The following VPS13B variants were observed in gnomAD, a reference collection of about 807,000 sequenced individuals.
VPS13B encodes the protein intermembrane lipid transfer protein VPS13B.
VPS13B carries 285 observed loss-of-function variants against 426.4 expected under a neutral mutation model. That is an observed-to-expected ratio of 0.67 (90% CI 0.61 to 0.74). VPS13B has a LOEUF of 0.74. Ranked by LOEUF, VPS13B falls within the 30% of genes least tolerant of loss-of-function variation. The pLI is 0.00. For missense variants in VPS13B, 4,537 were observed against 4,782.6 expected (o/e 0.95, Z 1.51); for synonymous variants, 1,676 against 1,676.4 (o/e 1.00, Z 0.01).
At chr8:99,621,630 C>T (rs765478130) in intron 33 of VPS13B, among the ~76,000 whole-genome samples, 26 of 152,042 alleles carry the variant, frequency 1.7e-4, no homozygotes, top group Admixed American at 3.3e-4. Flanking sequence ...TTCGCTATAA[C>T]AGAATCTGAC....
intron 33 of VPS13B, among the ~76,000 whole-genome samples, chr8:99,631,869 G>A (rs901222149): frequency 4.6e-5 from 7 of 151,850 alleles, no homozygotes; most frequent in African/African-American, 1.7e-4. Context: ...ATGAATGAAT[G>A]ATGTGAAATT....
chr8:99,650,367 G>T (rs945530921), intron 34 of VPS13B, among the ~76,000 whole-genome samples: 2 of 152,162 alleles, frequency 1.3e-5, no homozygotes, highest in African/African-American at 4.8e-5. Context: ...AATCAAGTTA[G>T]CAGGGGAAAA....
At chr8:99,347,020 GGCCAAT>G (rs1392129878) in intron 19 of VPS13B, 1 of 155,114 alleles carries the variant, frequency 6.4e-6, no homozygotes, top group Non-Finnish European at 1.4e-5. Context: ...CTGTTCCACT[GGCCAAT>G]GCAGGGGCCA....
chr8:99,037,871 A>G (rs1420505716), intron 2 of VPS13B, among the ~76,000 whole-genome samples: 4 of 143,378 alleles, frequency 2.8e-5, no homozygotes, highest in Non-Finnish European at 6.1e-5. Flanking sequence ...ATCAGTTTTC[A>G]TTTTGTCAGG....
intron 13 of VPS13B, among the ~76,000 whole-genome samples, chr8:99,143,734 A>T (rs927694974): frequency 6.6e-6 from 1 of 152,134 alleles, no homozygotes; most frequent in Non-Finnish European, 1.5e-5. Flanking sequence ...TTAAAATTTG[A>T]CCCTCACTTC....
chr8:99,551,067 A>G (rs1403553707), intron 30 of VPS13B, among the ~76,000 whole-genome samples: 1 of 151,808 alleles, frequency 6.6e-6, no homozygotes, highest in African/African-American at 2.4e-5. Context: ...ATGTTTTTCA[A>G]TTTTTCTGTA....
chr8:99,458,770 G>GT (rs1363248778), intron 23 of VPS13B, among the ~76,000 whole-genome samples: 7 of 152,046 alleles, frequency 4.6e-5, no homozygotes, highest in African/African-American at 1.2e-4. Flanking sequence ...GGGGTTGTTT[G>GT]TTTTTTTATT....
At chr8:99,397,169 G>A (rs959817581) in intron 21 of VPS13B, among the ~76,000 whole-genome samples, 7 of 151,936 alleles carry the variant, frequency 4.6e-5, no homozygotes, top group Admixed American at 2.0e-4. Flanking sequence ...TTTTTGAGAC[G>A]GAGTCTCACT....
intron 17 of VPS13B, among the ~76,000 whole-genome samples, chr8:99,208,803 G>C (rs992974142): frequency 7.9e-5 from 12 of 152,068 alleles, no homozygotes; most frequent in African/African-American, 2.9e-4. Flanking sequence ...AAGTAATTTT[G>C]TAAGTTCTTT....
chr8:99,430,244 AC>A (rs1817016746), intron 21 of VPS13B, among the ~76,000 whole-genome samples: 1 of 152,176 alleles, frequency 6.6e-6, no homozygotes, highest in Admixed American at 6.5e-5. Context: ...TCATATATTA[AC>A]CAAGTTAGGG....
At chr8:99,074,992 T>C (rs1845043959) in intron 3 of VPS13B, among the ~76,000 whole-genome samples, 1 of 152,162 alleles carries the variant, frequency 6.6e-6, no homozygotes, top group Non-Finnish European at 1.5e-5. Flanking sequence ...AGAGTAATCC[T>C]GGCCTTGTAG....
chr8:99,589,139 G>T (rs1826463556), intron 33 of VPS13B, among the ~76,000 whole-genome samples: 1 of 151,672 alleles, frequency 6.6e-6, no homozygotes, highest in African/African-American at 2.4e-5. Context: ...TGCATCCCAG[G>T]GATGAAGCAG....
At chr8:99,748,832 A>G (rs1044252980) in intron 39 of VPS13B, among the ~76,000 whole-genome samples, 1 of 152,030 alleles carries the variant, frequency 6.6e-6, no homozygotes, top group African/African-American at 2.4e-5. Flanking sequence ...GGAATGCGCA[A>G]GATTTGGGAA....
intron 3 of VPS13B, among the ~76,000 whole-genome samples, chr8:99,049,384 G>T (rs1843405782): frequency 1.3e-5 from 1 of 78,592 alleles, no homozygotes. Context: ...GTATTTATTT[G>T]TCTGAAAAAG....
At chr8:99,421,487 G>A (rs1047793194) in intron 21 of VPS13B, among the ~76,000 whole-genome samples, 1 of 152,138 alleles carries the variant, frequency 6.6e-6, no homozygotes, top group South Asian at 2.1e-4. Flanking sequence ...AGAAAAGGCA[G>A]CATAACATAG....
chr8:99,490,595 T>G (rs547475992), intron 25 of VPS13B, among the ~76,000 whole-genome samples: 1 of 152,324 alleles, frequency 6.6e-6, no homozygotes. Flanking sequence ...TATTGGTCTA[T>G]TCAGAGATTC....
intron 26 of VPS13B, 68 bp downstream of exon 26, chr8:99,501,926 C>CCCTCCCTG (rs1563764243): frequency 9.4e-7 from 1 of 1,066,612 alleles, no homozygotes; most frequent in African/African-American, 1.7e-5. Flanking sequence ...CTCCCTCCCT[C>CCCTCCCTG]CCTTCCTTCC....
chr8:99,592,023 T>G (rs1826707819), intron 33 of VPS13B, among the ~76,000 whole-genome samples: 1 of 152,132 alleles, frequency 6.6e-6, no homozygotes, highest in African/African-American at 2.4e-5. Flanking sequence ...CGTAGTCCCA[T>G]ATTTCTTGGA....
intron 19 of VPS13B, among the ~76,000 whole-genome samples, chr8:99,345,169 A>G (rs1267591817): frequency 6.6e-6 from 1 of 152,142 alleles, no homozygotes; most frequent in Non-Finnish European, 1.5e-5. Context: ...TAGGTATGCA[A>G]TACTATAGTA....
Sources: gnomAD v4.1 joint callset for allele counts (sites outside exome capture counted in the v4.1 genomes callset) on GRCh38, gnomAD v4.1.1 for gene constraint, MANE v1.5 for transcripts, NCBI Gene and HGNC (gene_info 2026-07-23, HGNC 2026-07-21) for gene names.